GRM7: variants seen among roughly 807,000 people sequenced by gnomAD.
The protein encoded by GRM7 is metabotropic glutamate receptor 7.
In GRM7, 35 loss-of-function variants were observed where a neutral mutation model predicts 84.5. That is an observed-to-expected ratio of 0.41 (90% CI 0.32 to 0.55). The LOEUF is 0.55. Among genes scored for constraint, GRM7 ranks in the 20% least tolerant of loss-of-function variants. The pLI is 0.19. For synonymous variants in GRM7, 487 were observed against 455.1 expected (o/e 1.07, Z -0.89); for missense variants, 1,003 against 1,194.6 (o/e 0.84, Z 2.36).
At chr3:6,865,513 A>G (rs889885677) in intron 1 of GRM7, among the ~76,000 whole-genome samples, 3 of 151,502 alleles carry the variant, frequency 2.0e-5, no homozygotes, top group African/African-American at 7.3e-5. Context: ...TCTACACTAT[A>G]GACTTGGAAT....
At chr3:7,201,454 C>G (rs888720061) in intron 2 of GRM7, among the ~76,000 whole-genome samples, 1 of 151,910 alleles carries the variant, frequency 6.6e-6, no homozygotes, top group Non-Finnish European at 1.5e-5. Flanking sequence ...GTGCTGTTTT[C>G]TTCCTGGGTC....
intron 1 of GRM7, among the ~76,000 whole-genome samples, chr3:7,134,678 C>T (rs1013044648): frequency 1.3e-5 from 2 of 151,998 alleles, no homozygotes; most frequent in African/African-American, 2.4e-5. Flanking sequence ...CTCCCTAAAC[C>T]GCAGGAATTC....
At chr3:7,602,057 C>T (rs1696339237) in intron 8 of GRM7, among the ~76,000 whole-genome samples, 1 of 140,950 alleles carries the variant, frequency 7.1e-6, no homozygotes, top group African/African-American at 2.7e-5. Context: ...GGAAGGCTCA[C>T]CAGGGAACGC....
chr3:7,390,618 A>G (rs914595517), intron 4 of GRM7, among the ~76,000 whole-genome samples: 12 of 152,022 alleles, frequency 7.9e-5, no homozygotes, highest in Non-Finnish European at 1.3e-4. Context: ...GAGCTCTAAA[A>G]TTATTTCTTC....
chr3:7,718,193 C>T (rs144072353), intron 9 of GRM7, among the ~76,000 whole-genome samples: 9 of 152,292 alleles, frequency 5.9e-5, no homozygotes, highest in African/African-American at 2.2e-4. Context: ...GTGCATAGCA[C>T]TTAGTACCAT....
intron 8 of GRM7, among the ~76,000 whole-genome samples, chr3:7,581,347 T>C (rs538313218): frequency 6.6e-6 from 1 of 152,184 alleles, no homozygotes; most frequent in East Asian, 1.9e-4. Flanking sequence ...TATACCAGAG[T>C]TTTAGAAGGC....
chr3:6,964,474 T>A (rs1419781714), intron 1 of GRM7, among the ~76,000 whole-genome samples: 2 of 152,154 alleles, frequency 1.3e-5, no homozygotes, highest in Non-Finnish European at 2.9e-5. Context: ...TCTTCAAACT[T>A]CTTGCCCCCC....
At chr3:7,454,095 C>G (rs1286065810) in intron 6 of GRM7, among the ~76,000 whole-genome samples, 1 of 126,794 alleles carries the variant, frequency 7.9e-6, no homozygotes, top group African/African-American at 3.1e-5. Flanking sequence ...CACACACTCT[C>G]TCTCTCTCTC....
At chr3:7,359,232 G>GTT (rs1332684773) in intron 4 of GRM7, among the ~76,000 whole-genome samples, 3 of 144,256 alleles carry the variant, frequency 2.1e-5, no homozygotes, top group Non-Finnish European at 4.5e-5. Flanking sequence ...GTGTGTGTGT[G>GTT]TGTGTGTGTG....
At chr3:7,472,614 G>A (rs1052050097) in intron 7 of GRM7, among the ~76,000 whole-genome samples, 25 of 152,276 alleles carry the variant, frequency 1.6e-4, no homozygotes, top group African/African-American at 5.3e-4. Flanking sequence ...CCTTGCAGAT[G>A]GCATAGCCCC....
chr3:7,440,623 C>T (rs760956922), intron 5 of GRM7, among the ~76,000 whole-genome samples: 3 of 152,038 alleles, frequency 2.0e-5, no homozygotes, highest in Non-Finnish European at 2.9e-5. Flanking sequence ...ACGTAGTATC[C>T]GACAGGTAGT....
intron 4 of GRM7, among the ~76,000 whole-genome samples, chr3:7,385,250 T>TA (rs991623753): frequency 1.3e-5 from 2 of 149,110 alleles, no homozygotes; most frequent in African/African-American, 2.4e-5. Flanking sequence ...GACATATTGA[T>TA]AAAAAAGCAC....
chr3:7,232,410 G>A (rs1335481453), intron 2 of GRM7, among the ~76,000 whole-genome samples: 1 of 152,180 alleles, frequency 6.6e-6, no homozygotes, highest in Non-Finnish European at 1.5e-5. Context: ...AAGCATTTAT[G>A]TTCCATTTTG....
At chr3:7,066,004 A>G (rs932488990) in intron 1 of GRM7, among the ~76,000 whole-genome samples, 4 of 151,880 alleles carry the variant, frequency 2.6e-5, no homozygotes, top group Non-Finnish European at 5.9e-5. Context: ...CAACCTATCA[A>G]AACCTCTGGG....
intron 9 of GRM7, among the ~76,000 whole-genome samples, chr3:7,693,039 A>AT (rs1045308647): frequency 4.9e-5 from 7 of 143,328 alleles, no homozygotes; most frequent in Admixed American, 7.0e-5. Context: ...TTCCTCTTGG[A>AT]TTTTTTTTGA....
At chr3:6,881,753 C>T (rs1265096889) in intron 1 of GRM7, among the ~76,000 whole-genome samples, 5 of 152,046 alleles carry the variant, frequency 3.3e-5, no homozygotes, top group African/African-American at 9.7e-5. Flanking sequence ...TTTCTGGTAG[C>T]GTTCTGTGGG....
At chr3:7,400,857 T>G (rs1695418817) in intron 4 of GRM7, among the ~76,000 whole-genome samples, 1 of 152,202 alleles carries the variant, frequency 6.6e-6, no homozygotes, top group South Asian at 2.1e-4. Context: ...TGTATGAGTT[T>G]CAGTGTGCAC....
intron 1 of GRM7, among the ~76,000 whole-genome samples, chr3:7,057,779 G>A (rs901827399): frequency 6.6e-6 from 1 of 151,782 alleles, no homozygotes; most frequent in Admixed American, 6.6e-5. Context: ...ACTACCTTGG[G>A]ACTTGGCACC....
intron 1 of GRM7, among the ~76,000 whole-genome samples, chr3:6,969,474 G>T (rs987737638): frequency 1.3e-5 from 2 of 152,152 alleles, no homozygotes; most frequent in East Asian, 3.9e-4. Flanking sequence ...AAATAGATTT[G>T]AATCCAACTC....
Sources: gnomAD v4.1 joint callset for allele counts (sites outside exome capture counted in the v4.1 genomes callset) on GRCh38, gnomAD v4.1.1 for gene constraint, MANE v1.5 for transcripts, NCBI Gene and HGNC (gene_info 2026-07-23, HGNC 2026-07-21) for gene names.